The following MTREX variants were observed in gnomAD, a reference collection of about 807,000 sequenced individuals.
MTREX encodes Mtr4 exosome RNA helicase, also known as exosome RNA helicase MTR4.
A neutral mutation model predicts 135.4 loss-of-function variants in MTREX; 76 were observed. That is an observed-to-expected ratio of 0.56 (90% CI 0.47 to 0.68). MTREX has a LOEUF of 0.68. MTREX is among the 30% of genes least tolerant of loss of function. MTREX has a pLI of 0.00. For missense variants in MTREX, 920 were observed against 1,262.1 expected (o/e 0.73, Z 4.11); for synonymous variants, 404 against 401.6 (o/e 1.01, Z -0.07).
chr5:55,403,022 A>AC (rs1297464923), intron 21 of MTREX, among the ~76,000 whole-genome samples: 7 of 150,924 alleles, frequency 4.6e-5, no homozygotes, highest in African/African-American at 1.7e-4. Flanking sequence ...AGATGATGAG[A>AC]CCCCCATCAC....
intron 19 of MTREX, among the ~76,000 whole-genome samples, chr5:55,392,996 G>C (rs1026746624): frequency 6.6e-6 from 1 of 152,238 alleles, no homozygotes; most frequent in South Asian, 2.1e-4. Flanking sequence ...GTCTTCCGGG[G>C]AACCACCAGA....
Position 55,344,517 on chromosome 5 carries a change from T to A in MTREX, c.907-5T>A. On this transcript the variant is annotated splice_region_variant and splice_polypyrimidine_tract_variant and intron_variant, in intron 8 of 26. Coordinates refer to ENST00000230640, the MANE Select transcript of MTREX (RefSeq NM_015360.5). ...TTTTGTATGTTTAATTCTTTCTTTTTACAGCCTTGTCATGTTATTTACACA... is the reference window on the plus strand; with the variant it reads ...TTTTGTATGTTTAATTCTTTCTTTTAACAGCCTTGTCATGTTATTTACACA... The A allele has an allele frequency of 6.3e-7, 1 of 1,589,900 alleles. No individual in the cohort carries two copies. The highest frequency in any genetic ancestry group is 8.6e-7 in the Non-Finnish European group (1 of 1,158,914).
chr5:55,390,444 A>G lies in MTREX; in HGVS notation c.2181+2342A>G, dbSNP rs1022873051. Among the ~76,000 whole-genome samples, 41 of 152,110 alleles carry G rather than the reference A, an allele frequency of 2.7e-4. 1 individual carries two copies. The highest frequency in any genetic ancestry group is 9.7e-4 in the African/African-American group (40 of 41,432). On this transcript the variant is annotated intron_variant, in intron 19 of 26. Transcript: ENST00000230640. Reference sequence around the variant, plus strand: ...AGTGACTTTTCCTTGTATCTATAATATTCTTGAACTTACTTTTCTAAAAAA... The same window carrying G: ...AGTGACTTTTCCTTGTATCTATAATGTTCTTGAACTTACTTTTCTAAAAAA...
chr5:55,357,275 T>G (rs1398054121), intron 14 of MTREX: 1 of 152,534 alleles, frequency 6.6e-6, no homozygotes, highest in African/African-American at 2.4e-5. Flanking sequence ...CATGTCATAC[T>G]TAACTGTCAT....
In MTREX at chr5:55,388,019, C is replaced by A. The variant is rs1441065580; in HGVS notation, c.2098C>A (p.Leu700Met). 2 of 1,607,808 alleles carry A rather than the reference C, an allele frequency of 1.2e-6. No individual in the cohort carries two copies. The highest frequency in any genetic ancestry group is 1.7e-6 in the Non-Finnish European group (2 of 1,175,636). The change falls in exon 19 of 27, where the codon CTG becomes ATG. Residue 700 changes from leucine to methionine, a missense_variant. Leu to Met is a conservative substitution (Grantham distance 15). Transcript: ENST00000230640. ...TCCTTTGTATGTAGTAGAAGTACTT[C>A]TGCGCTGTAGCAAAGAGAGCTTGAA... ...LDPLYVVEVL[L>M]RCSKESLKNS...
chr5:55,412,752 A>G (rs981194116), intron 23 of MTREX, among the ~76,000 whole-genome samples: 3 of 152,228 alleles, frequency 2.0e-5, no homozygotes, highest in Non-Finnish European at 2.9e-5. Flanking sequence ...CCTTCCACCT[A>G]TAGTGAATAG....
chr5:55,336,206 T>G (rs957393259), intron 5 of MTREX, among the ~76,000 whole-genome samples: 2 of 152,190 alleles, frequency 1.3e-5, no homozygotes, highest in Admixed American at 6.6e-5. Context: ...TGGTTTTACT[T>G]CCTTTTCAAT....
At chr5:55,346,781 T>C (rs1314496271) in intron 10 of MTREX, among the ~76,000 whole-genome samples, 1 of 152,214 alleles carries the variant, frequency 6.6e-6, no homozygotes, top group Non-Finnish European at 1.5e-5. Flanking sequence ...ACTTTATTGA[T>C]GGTATCCATG....
chr5:55,323,378 T>G (rs112199992), intron 2 of MTREX, among the ~76,000 whole-genome samples: 3 of 152,136 alleles, frequency 2.0e-5, no homozygotes, highest in African/African-American at 7.2e-5. Flanking sequence ...TTCAGAGTCT[T>G]AACAGAGGAC....
At chr5:55,356,136 A>T (rs1749908643) in intron 14 of MTREX, among the ~76,000 whole-genome samples, 1 of 152,202 alleles carries the variant, frequency 6.6e-6, no homozygotes, top group African/African-American at 2.4e-5. Context: ...GCCCAGGCCC[A>T]TGGCAAGGAG....
rs1188103620 is a variant in MTREX, at chr5:55,328,684, G to A, written c.403-15G>A. 6.4e-7 allele frequency: 1 copy of A among 1,555,676 alleles called. No individual in the cohort carries two copies. Among genetic ancestry groups the A allele is most frequent in the South Asian group, 1.1e-5 (1 of 89,384 alleles). On this transcript the variant is annotated splice_polypyrimidine_tract_variant and intron_variant, in intron 4 of 26. Transcript: ENST00000230640. ...TAGATGTTTTTATGCAGATATTAAT[G>A]TTTTGTTTTTATAGGAATACCCGTT...
chr5:55,369,915 C>CTTTTTTTTTTT (rs60011222), intron 16 of MTREX, among the ~76,000 whole-genome samples: 6 of 141,424 alleles, frequency 4.2e-5, no homozygotes, highest in Admixed American at 7.1e-5. Context: ...TTTCTTTTTT[C>CTTTTTTTTTTT]TTTTTTTTTT....
intron 18 of MTREX, among the ~76,000 whole-genome samples, chr5:55,379,957 A>G (rs1294542966): frequency 2.6e-5 from 4 of 151,904 alleles, no homozygotes; most frequent in African/African-American, 9.7e-5. Flanking sequence ...TTCTTTTGAG[A>G]CGGAGTCTCG....
chr5:55,377,627 C>A (rs1269003610), intron 16 of MTREX, among the ~76,000 whole-genome samples: 2 of 152,134 alleles, frequency 1.3e-5, no homozygotes, highest in Non-Finnish European at 2.9e-5. Context: ...ATGCCAATAT[C>A]TTTGAAATTA....
At chr5:55,385,253 C>T (rs1750458866) in intron 18 of MTREX, among the ~76,000 whole-genome samples, 1 of 152,054 alleles carries the variant, frequency 6.6e-6, no homozygotes, top group Non-Finnish European at 1.5e-5. Flanking sequence ...TTCATCTTGC[C>T]TCTCCCAACA....
chr5:55,317,044 C>T (rs111686774), intron 1 of MTREX, among the ~76,000 whole-genome samples: 67 of 151,806 alleles, frequency 4.4e-4, no homozygotes, highest in African/African-American at 1.5e-3. Flanking sequence ...ACACCTCCCC[C>T]CTCCCACACA....
intron 16 of MTREX, 37 bp downstream of exon 16, chr5:55,366,912 T>G: frequency 6.7e-7 from 1 of 1,494,260 alleles, no homozygotes; most frequent in East Asian, 2.3e-5. Context: ...TTAGTGTAGC[T>G]AGGAGACTGA....
At chr5:55,394,565 C>T (rs920331292) in intron 19 of MTREX, among the ~76,000 whole-genome samples, 8 of 152,098 alleles carry the variant, frequency 5.3e-5, no homozygotes, top group African/African-American at 1.9e-4. Flanking sequence ...GCCATGTTTG[C>T]ACTGGTATGA....
chr5:55,341,758 T>C lies in MTREX; in HGVS notation c.768T>C (p.Tyr256=). 1 of 1,525,606 alleles carries C rather than the reference T, an allele frequency of 6.6e-7. No homozygotes were observed. 94.5% of individuals were successfully genotyped at this position (1,525,606 alleles called of 1,614,324 possible). ...GGGTTATATTTGATGAAATTCATTA[T>C]ATGAGAGATTCAGGTATATTCAGTG... ...VAWVIFDEIH[Y]MRDSERGVVW... Residue 256 remains tyrosine, a synonymous_variant, in exon 7 of 27, where the codon TAT becomes TAC. Coordinates refer to ENST00000230640, the MANE Select transcript of MTREX (RefSeq NM_015360.5).
Sources: allele counts gnomAD v4.1 joint callset (sites outside exome capture counted in the v4.1 genomes callset), GRCh38; gene constraint gnomAD v4.1.1; transcripts MANE v1.5; gene names NCBI Gene and HGNC (gene_info 2026-07-23, HGNC 2026-07-21).